RIMS1: variants seen among roughly 807,000 people sequenced by gnomAD.
RIMS1 encodes the protein regulating synaptic membrane exocytosis 1, also known as regulating synaptic membrane exocytosis protein 1.
RIMS1 carries 83 observed loss-of-function variants against 214.1 expected under a neutral mutation model. The observed-to-expected ratio is 0.39, with a 90% CI of 0.32 to 0.47. The LOEUF (loss-of-function observed/expected upper bound fraction) is 0.47, where lower values mean the gene tolerates loss of function less well. Ranked by LOEUF, RIMS1 falls within the 20% of genes least tolerant of loss-of-function variation. The pLI, the probability that RIMS1 is intolerant of heterozygous loss-of-function variation, is 0.99. For synonymous variants in RIMS1, 793 were observed against 786.8 expected (o/e 1.01, Z -0.13); for missense variants, 2,050 against 2,161.8 (o/e 0.95, Z 1.03).
chr6:71,890,102 G>T (rs901011552), intron 1 of RIMS1, among the ~76,000 whole-genome samples: 1 of 152,166 alleles, frequency 6.6e-6, no homozygotes, highest in Non-Finnish European at 1.5e-5. Context: ...AAATGTATTT[G>T]TAAGTTTCAT....
At chr6:72,204,496 T>C (rs1051740028) in intron 6 of RIMS1, among the ~76,000 whole-genome samples, 2 of 152,228 alleles carry the variant, frequency 1.3e-5, no homozygotes, top group African/African-American at 2.4e-5. Flanking sequence ...CCATACACTT[T>C]TCCATCTCCA....
At chr6:72,213,910 G>A (rs532290533) in intron 6 of RIMS1, among the ~76,000 whole-genome samples, 27 of 152,316 alleles carry the variant, frequency 1.8e-4, no homozygotes, top group Non-Finnish European at 3.4e-4. Flanking sequence ...GTATGAGGCT[G>A]TGAAATATAT....
chr6:72,001,332 C>T (rs1805153254), intron 2 of RIMS1, among the ~76,000 whole-genome samples: 1 of 152,116 alleles, frequency 6.6e-6, no homozygotes. Flanking sequence ...TTCCATTCTT[C>T]TATATATGAA....
intron 4 of RIMS1, among the ~76,000 whole-genome samples, chr6:72,104,571 G>A (rs946391779): frequency 6.6e-6 from 1 of 152,124 alleles, no homozygotes; most frequent in Non-Finnish European, 1.5e-5. Flanking sequence ...GACTGATACT[G>A]TAGTCTTTCA....
chr6:72,040,977 T>G (rs1183643637), intron 2 of RIMS1, among the ~76,000 whole-genome samples: 1 of 151,958 alleles, frequency 6.6e-6, no homozygotes, highest in Non-Finnish European at 1.5e-5. Flanking sequence ...GATGTTTTCT[T>G]TTTAAATTGT....
At chr6:72,303,721 G>GT (rs1365039106) in intron 26 of RIMS1, among the ~76,000 whole-genome samples, 1 of 151,434 alleles carries the variant, frequency 6.6e-6, no homozygotes, top group Non-Finnish European at 1.5e-5. Context: ...TGTATATAAA[G>GT]TTGGAATAAA....
At position 72,192,354 on chromosome 6, in the gene RIMS1, G is replaced by A. The variant is rs145857268; in HGVS notation, c.1678+9205G>A. On this transcript the variant is annotated intron_variant, in intron 6 of 33. Transcript: ENST00000521978. ...TGGTAAAAGGCTGGAGGTCTCCCTGGGGAAGGATAGGAGAAAGAGTAACAG... is the reference window on the plus strand; with the variant it reads ...TGGTAAAAGGCTGGAGGTCTCCCTGAGGAAGGATAGGAGAAAGAGTAACAG... Among the ~76,000 whole-genome samples, 166 of 152,242 alleles carry A rather than the reference G, an allele frequency of 1.1e-3. 2 individuals are homozygous for A. The Middle Eastern group carries it at 0.014, about 12-fold the overall frequency.
intron 29 of RIMS1, among the ~76,000 whole-genome samples, chr6:72,383,609 A>T (rs1367124699): frequency 2.3e-5 from 1 of 44,058 alleles, no homozygotes; most frequent in East Asian, 3.1e-4. Flanking sequence ...CCCCATCTCT[A>T]AAAAAAAAAA....
intron 2 of RIMS1, among the ~76,000 whole-genome samples, chr6:72,002,512 G>A (rs1301198053): frequency 1.3e-5 from 2 of 152,162 alleles, no homozygotes; most frequent in Non-Finnish European, 2.9e-5. Context: ...GATGCATGGG[G>A]TAGGAGTGTG....
At chr6:72,070,800 G>A (rs916319229) in intron 2 of RIMS1, among the ~76,000 whole-genome samples, 1 of 152,168 alleles carries the variant, frequency 6.6e-6, no homozygotes, top group African/African-American at 2.4e-5. Context: ...ATGTCAAGGA[G>A]CTTTGACAAA....
Position 72,263,440 on chromosome 6 carries a change from C to T in RIMS1, c.3117-1535C>T, listed in dbSNP as rs1001592584. Reference sequence around the variant, plus strand: ...GTAGAAACAGGCTTGGAGACTTAATCGAATTACCCAGGTCACAGCCAATAA... The same window carrying T: ...GTAGAAACAGGCTTGGAGACTTAATTGAATTACCCAGGTCACAGCCAATAA... On this transcript the variant is annotated intron_variant, in intron 19 of 33. Transcript: ENST00000521978. The T allele has an allele frequency of 4.9e-5, 48 of 973,870 alleles. No homozygotes were observed. In the African/African-American group the frequency reaches 7.4e-4, roughly 15 times the overall value. 60.3% of individuals were successfully genotyped at this position (973,870 alleles called of 1,614,324 possible). A position where few individuals can be genotyped will look rare whatever the true frequency, so the allele number is the denominator to read the frequency against.
chr6:72,094,281 G>A (rs764931367), intron 2 of RIMS1, among the ~76,000 whole-genome samples: 2 of 152,090 alleles, frequency 1.3e-5, no homozygotes, highest in African/African-American at 4.8e-5. Context: ...GAGGTGTTAT[G>A]TACGGTAATA....
At chr6:72,397,438 T>C (rs1013245210) in intron 31 of RIMS1, among the ~76,000 whole-genome samples, 4 of 152,206 alleles carry the variant, frequency 2.6e-5, no homozygotes, top group Admixed American at 2.6e-4. Flanking sequence ...ATATTGCTAA[T>C]ACCAATGTTA....
chr6:72,108,022 TTG>T (rs1328504805), intron 4 of RIMS1, among the ~76,000 whole-genome samples: 2 of 152,124 alleles, frequency 1.3e-5, no homozygotes, highest in Non-Finnish European at 2.9e-5. Flanking sequence ...TTTTGTTTTA[TTG>T]TGTTTTGTTT....
chr6:71,891,666 GT>G (rs1769930974), intron 1 of RIMS1, among the ~76,000 whole-genome samples: 1 of 152,072 alleles, frequency 6.6e-6, no homozygotes. Context: ...TTTCATTAGG[GT>G]TTGAAAAGAT....
chr6:71,960,017 A>T (rs1792459422), intron 1 of RIMS1, among the ~76,000 whole-genome samples: 1 of 152,134 alleles, frequency 6.6e-6, no homozygotes, highest in African/African-American at 2.4e-5. Flanking sequence ...CTTAGCTGGT[A>T]TTATTAACTG....
At chr6:72,318,445 G>GA (rs752319136) in intron 28 of RIMS1, among the ~76,000 whole-genome samples, 6 of 151,470 alleles carry the variant, frequency 4.0e-5, no homozygotes, top group East Asian at 1.9e-4. Context: ...TTTCTCCTAG[G>GA]AAAAAAAATG....
At chr6:72,083,492 T>C (rs1355307672) in intron 2 of RIMS1, among the ~76,000 whole-genome samples, 4 of 152,112 alleles carry the variant, frequency 2.6e-5, no homozygotes. Flanking sequence ...TCTCACAAGA[T>C]GACCTATTTG....
intron 4 of RIMS1, among the ~76,000 whole-genome samples, chr6:72,131,600 G>A (rs1473264606): frequency 2.0e-5 from 3 of 152,134 alleles, no homozygotes; most frequent in East Asian, 1.9e-4. Flanking sequence ...ATATCACAAG[G>A]CAAATGGAGG....
Sources: allele counts gnomAD v4.1 joint callset (sites outside exome capture counted in the v4.1 genomes callset), GRCh38; gene constraint gnomAD v4.1.1; transcripts MANE v1.5; gene names NCBI Gene and HGNC (gene_info 2026-07-23, HGNC 2026-07-21).